The following DAG1 variants were observed in gnomAD, a reference collection of about 807,000 sequenced individuals.
DAG1 encodes dystroglycan 1.
Under a neutral mutation model 46.1 loss-of-function variants are expected in DAG1, and 8 were observed. That is an observed-to-expected ratio of 0.17 (90% CI 0.10 to 0.31). DAG1 has a LOEUF of 0.31. DAG1 is among the 10% of genes least tolerant of loss of function. DAG1 has a pLI of 1.00. For missense variants in DAG1, 1,003 were observed against 1,189.9 expected (o/e 0.84, Z 2.31); for synonymous variants, 495 against 481.8 (o/e 1.03, Z -0.36).
chr3:49,526,987 C>T (rs980873726), intron 2 of DAG1, among the ~76,000 whole-genome samples: 1 of 152,196 alleles, frequency 6.6e-6, no homozygotes, highest in African/African-American at 2.4e-5. Context: ...TGAGTTTGTT[C>T]TGTAGGAACT....
intron 1 of DAG1, among the ~76,000 whole-genome samples, chr3:49,474,239 C>T (rs1161498890): frequency 3.3e-5 from 5 of 150,274 alleles, no homozygotes; most frequent in East Asian, 2.0e-4. Flanking sequence ...TATTTTTAGT[C>T]GAGATGGGGT....
At chr3:49,478,579 T>C (rs931236146) in intron 1 of DAG1, among the ~76,000 whole-genome samples, 1 of 142,170 alleles carries the variant, frequency 7.0e-6, no homozygotes, top group Admixed American at 7.6e-5. Context: ...GGTTTTGCCA[T>C]GTTGCCCACG....
At chr3:49,479,868 C>A (rs1420145533) in intron 1 of DAG1, among the ~76,000 whole-genome samples, 1 of 149,086 alleles carries the variant, frequency 6.7e-6, no homozygotes, top group East Asian at 2.0e-4. Context: ...TCTCGAACTC[C>A]TGACCTCGTG....
chr3:49,524,281 C>T (rs754722495), intron 2 of DAG1, among the ~76,000 whole-genome samples: 1 of 152,192 alleles, frequency 6.6e-6, no homozygotes, highest in African/African-American at 2.4e-5. Flanking sequence ...TAGGGGCTTT[C>T]CCCAAATGGC....
At chr3:49,499,977 C>CT (rs1189123113) in intron 1 of DAG1, among the ~76,000 whole-genome samples, 212 of 141,066 alleles carry the variant, frequency 1.5e-3, no homozygotes, top group South Asian at 6.8e-3. Flanking sequence ...ACTTCTTCTT[C>CT]TTTTTTTTTT....
chr3:49,485,265 G>C (rs531955181), intron 1 of DAG1, among the ~76,000 whole-genome samples: 4 of 150,708 alleles, frequency 2.7e-5, no homozygotes, highest in Admixed American at 1.3e-4. Context: ...GTGAGCCACC[G>C]CACCCGGCCA....
chr3:49,500,837 C>A (rs1040549973), intron 1 of DAG1, among the ~76,000 whole-genome samples: 5 of 152,110 alleles, frequency 3.3e-5, no homozygotes, highest in Admixed American at 6.5e-5. Context: ...CTGTTTGGAC[C>A]TTGGTCTCTG....
At chr3:49,521,596 G>C (rs2051028984) in intron 2 of DAG1, among the ~76,000 whole-genome samples, 1 of 151,946 alleles carries the variant, frequency 6.6e-6, no homozygotes, top group Non-Finnish European at 1.5e-5. Context: ...GAGTAGCTGG[G>C]ACCACCACGC....
intron 2 of DAG1, among the ~76,000 whole-genome samples, chr3:49,529,405 T>G (rs2051281880): frequency 6.6e-6 from 1 of 152,216 alleles, no homozygotes; most frequent in Non-Finnish European, 1.5e-5. Context: ...TTATCTAGTT[T>G]CTGATAAGGC....
chr3:49,479,498 C>G (rs577037925), intron 1 of DAG1, among the ~76,000 whole-genome samples: 3 of 151,686 alleles, frequency 2.0e-5, no homozygotes, highest in African/African-American at 7.3e-5. Context: ...TCAGTAGAGA[C>G]TGGGTTTCAC....
rs1380739134 is a variant in DAG1, at chr3:49,505,870, A to G, written c.-116-4549A>G. Among the ~76,000 whole-genome samples, 8 of 148,076 alleles carry G rather than the reference A, an allele frequency of 5.4e-5. No homozygotes were observed. In the Admixed American group the frequency reaches 5.4e-4, roughly 10 times the overall value. The stretch of plus-strand genomic sequence containing the variant: ...TTTTTAGTAGAGATGGGGTTTCTCC[A>G]TGTTGGCCAGGCTGGTCTCGAACTC... On this transcript the variant is annotated intron_variant, in intron 1 of 2. Transcript: ENST00000308775.
intron 2 of DAG1, among the ~76,000 whole-genome samples, chr3:49,513,328 G>C (rs1407582774): frequency 6.6e-6 from 1 of 152,148 alleles, no homozygotes; most frequent in Admixed American, 6.6e-5. Flanking sequence ...TGGATTTTAA[G>C]ATTAGGTATT....
rs912091580 is a variant in DAG1, at chr3:49,530,967, C to T, written c.456C>T (p.Phe152=). Residue 152 remains phenylalanine, a synonymous_variant, in exon 3 of 3, where the codon TTC becomes TTT. Transcript: ENST00000308775. ...GSHIPQTSSV[F]SIEVYPEDHS... is the part of the protein sequence containing the mutation. ...ACATCCCCCAGACCTCCAGTGTGTT[C>T]TCCATCGAGGTCTACCCTGAAGACC... The T allele has an allele frequency of 1.9e-6, 3 of 1,614,040 alleles. No individual in the cohort carries two copies. The African/African-American group carries it at 4.0e-5, about 22-fold the overall frequency.
intron 1 of DAG1, among the ~76,000 whole-genome samples, chr3:49,476,398 C>G (rs753520473): frequency 1.5e-4 from 23 of 151,834 alleles, no homozygotes; most frequent in Non-Finnish European, 2.6e-4. Flanking sequence ...GAGACCAGCC[C>G]GTCCAACATG....
At chr3:49,516,747 G>A (rs958765042) in intron 2 of DAG1, among the ~76,000 whole-genome samples, 1 of 152,134 alleles carries the variant, frequency 6.6e-6, no homozygotes, top group Non-Finnish European at 1.5e-5. Context: ...GGCCTGTCTT[G>A]TATTCACCCT....
At chr3:49,475,620 C>T (rs1260744998) in intron 1 of DAG1, among the ~76,000 whole-genome samples, 1 of 151,756 alleles carries the variant, frequency 6.6e-6, no homozygotes, top group East Asian at 1.9e-4. Flanking sequence ...TTACACCAGC[C>T]AGAAGACTTA....
intron 1 of DAG1, among the ~76,000 whole-genome samples, chr3:49,482,258 A>G (rs2049906823): frequency 6.6e-6 from 1 of 152,166 alleles, no homozygotes; most frequent in African/African-American, 2.4e-5. Context: ...GTTTCTCCCC[A>G]TGTGATAGTC....
intron 1 of DAG1, among the ~76,000 whole-genome samples, chr3:49,475,605 C>T (rs1034469456): frequency 6.6e-6 from 1 of 151,754 alleles, no homozygotes; most frequent in African/African-American, 2.4e-5. Context: ...GAGTAGCTTA[C>T]AAAATTACAC....
chr3:49,490,591 A>G (rs1049332301), intron 1 of DAG1, among the ~76,000 whole-genome samples: 2 of 144,496 alleles, frequency 1.4e-5, no homozygotes, highest in African/African-American at 5.2e-5. Context: ...TTTTTTTGGG[A>G]CAGGGTCTTG....
Sources: gnomAD v4.1 joint callset for allele counts (sites outside exome capture counted in the v4.1 genomes callset) on GRCh38, gnomAD v4.1.1 for gene constraint, MANE v1.5 for transcripts, NCBI Gene and HGNC (gene_info 2026-07-23, HGNC 2026-07-21) for gene names.